The following TTC6 variants were observed in gnomAD, a reference collection of about 807,000 sequenced individuals.
The protein encoded by TTC6 is tetratricopeptide repeat domain 6.
A neutral mutation model predicts 210.4 loss-of-function variants in TTC6; 172 were observed. The ratio of observed to expected loss-of-function variants is 0.82; its 90% confidence interval spans 0.72 to 0.93. The LOEUF (loss-of-function observed/expected upper bound fraction) is 0.93. Among genes scored for constraint, TTC6 ranks in the 40% least tolerant of loss-of-function variants. The pLI, the probability that TTC6 is intolerant of heterozygous loss-of-function variation, is 0.00. For missense variants in TTC6, 2,414 were observed against 2,318.1 expected (o/e 1.04, Z -0.85); for synonymous variants, 804 against 819.6 (o/e 0.98, Z 0.32).
In TTC6 at chr14:37,757,137, G is replaced by A. The variant is rs2095970369; in HGVS notation, c.3266+3902G>A. ...TCTAGATTTTCTAGTTTGTGTGGAG[G>A]TGTTTGTAGTGTTCTCTGATGGTAG... On this transcript the variant is annotated intron_variant, in intron 14 of 30. Coordinates refer to ENST00000553443, the Ensembl canonical transcript of TTC6. Among the ~76,000 whole-genome samples the A allele has an allele frequency of 2.0e-5, 3 of 152,174 alleles. 1 individual carries two copies. The East Asian group carries it at 5.8e-4, about 29-fold the overall frequency.
chr14:37,658,794 C>A lies in TTC6; in HGVS notation c.940-21357C>A, dbSNP rs1253032280. On this transcript the variant is annotated intron_variant, in intron 1 of 30. Transcript: ENST00000553443. ...TTTAAAAATTTTTTTATTTTAGGTT[C>A]AGGGGTGCGTATGCAGGTTCATTAT... Among the ~76,000 whole-genome samples, 4 of 152,106 alleles carry A rather than the reference C, an allele frequency of 2.6e-5. No individual in the cohort carries two copies. The East Asian group carries it at 7.7e-4, about 29-fold the overall frequency.
At position 37,705,292 on chromosome 14, in the gene TTC6, A is replaced by C. The variant is rs80339906; in HGVS notation, c.1571+3766A>C. Among the ~76,000 whole-genome samples, 1,482 of 152,254 alleles carry C rather than the reference A, an allele frequency of 9.7e-3. 36 individuals carry two copies. Among genetic ancestry groups the C allele is most frequent in the African/African-American group, 0.034 (1,412 of 41,550 alleles). On this transcript the variant is annotated intron_variant, in intron 5 of 30. Coordinates refer to ENST00000553443, the Ensembl canonical transcript of TTC6. Reference sequence around the variant, plus strand: ...ACAGCAGCAACAATGGAAAAACCAAAGGTTAAGTGTCAAAATTCAATGTTT... The same window carrying C: ...ACAGCAGCAACAATGGAAAAACCAACGGTTAAGTGTCAAAATTCAATGTTT...
chr14:37,597,336 A>G (rs549624767), intron 1 of TTC6, among the ~76,000 whole-genome samples: 4 of 152,214 alleles, frequency 2.6e-5, no homozygotes, highest in African/African-American at 9.6e-5. Context: ...TGATTCTCCA[A>G]TACCCTCTTG....
chr14:37,700,489 T>C (rs1409768794), intron 4 of TTC6, among the ~76,000 whole-genome samples: 2 of 152,006 alleles, frequency 1.3e-5, no homozygotes, highest in Admixed American at 1.3e-4. Flanking sequence ...ACGCCTGTAA[T>C]CCCAGCACTT....
chr14:37,634,670 A>AAATCCAT (rs1394612309), intron 1 of TTC6, among the ~76,000 whole-genome samples: 1 of 152,218 alleles, frequency 6.6e-6, no homozygotes, highest in East Asian at 1.9e-4. Flanking sequence ...ATCCACACTA[A>AAATCCAT]AATCCATAAT....
intron 3 of TTC6, among the ~76,000 whole-genome samples, chr14:37,683,488 G>A (rs1011385595): frequency 2.6e-5 from 4 of 151,984 alleles, no homozygotes; most frequent in Admixed American, 1.3e-4. Context: ...TTTACTTTCC[G>A]AGGCTTTGGT....
At chr14:37,597,789 C>T (rs1281161716) in intron 1 of TTC6, among the ~76,000 whole-genome samples, 1 of 152,104 alleles carries the variant, frequency 6.6e-6, no homozygotes, top group Non-Finnish European at 1.5e-5. Context: ...GGGAGCACCG[C>T]CAGGCGATAC....
At chr14:37,705,486 A>G in intron 5 of TTC6, among the ~76,000 whole-genome samples, 1 of 152,186 alleles carries the variant, frequency 6.6e-6, no homozygotes, top group East Asian at 1.9e-4. Context: ...TTCCTTTTGC[A>G]AATAAATCAT....
intron 29 of TTC6, among the ~76,000 whole-genome samples, chr14:37,831,352 A>G (rs2096184636): frequency 6.6e-6 from 1 of 152,128 alleles, no homozygotes; most frequent in Non-Finnish European, 1.5e-5. Flanking sequence ...GTGATTCCAT[A>G]TCTTGGCTAT....
At chr14:37,671,029 TCA>T (rs2095757202) in intron 1 of TTC6, among the ~76,000 whole-genome samples, 1 of 152,206 alleles carries the variant, frequency 6.6e-6, no homozygotes, top group South Asian at 2.1e-4. Flanking sequence ...AACATTTAGT[TCA>T]CACAGTTTTT....
Position 37,821,004 on chromosome 14 carries a change from G to GCTCTTCTTCTTCTTCTTC in TTC6, c.4764-2724_4764-2707dup, listed in dbSNP as rs1460494887. Among the ~76,000 whole-genome samples the GCTCTTCTTCTTCTTCTTC allele has an allele frequency of 3.0e-5, 3 of 100,970 alleles. No homozygotes were observed. In the Admixed American group the frequency reaches 3.5e-4, roughly 12 times the overall value. 66.2% of individuals were successfully genotyped at this position (100,970 alleles called of 152,430 possible). ...TCTTCATCCTGTTCCTCTTCCTCTT[G>GCTCTTCTTCTTCTTCTTC]CTCTTCTTCTTCTTCTTCCTCTTCT... On this transcript the variant is annotated intron_variant, in intron 26 of 30. Coordinates refer to ENST00000553443, the Ensembl canonical transcript of TTC6.
intron 2 of TTC6, among the ~76,000 whole-genome samples, chr14:37,681,844 A>C (rs2095784450): frequency 6.6e-6 from 1 of 152,156 alleles, no homozygotes; most frequent in Non-Finnish European, 1.5e-5. Flanking sequence ...AACTAAGTAC[A>C]AAAAAAGATA....
intron 3 of TTC6, 45 bp from the exon 6 acceptor site, chr14:37,696,672 C>T (rs2095815447): frequency 8.5e-6 from 8 of 943,406 alleles, no homozygotes; most frequent in Middle Eastern, 2.2e-4. Context: ...ATCTAACTCT[C>T]ATGTTACATC....
intron 21 of TTC6, among the ~76,000 whole-genome samples, 192 bp downstream of exon 23, chr14:37,805,006 T>G (rs12100506): frequency 2.6e-5 from 4 of 152,158 alleles, no homozygotes; most frequent in African/African-American, 9.7e-5. Flanking sequence ...CATGTTTTAT[T>G]TGATGCTTGT....
At chr14:37,789,617 T>TA (rs57307221) in intron 15 of TTC6, among the ~76,000 whole-genome samples, 23,385 of 145,308 alleles carry the variant, frequency 0.16, 2,023 homozygotes, top group East Asian at 0.36. Context: ...TATATATATA[T>TA]TGTATATACT....
chr14:37,764,947 AT>A (rs76260992), intron 14 of TTC6, among the ~76,000 whole-genome samples: 27,564 of 149,380 alleles, frequency 0.18, 2,711 homozygotes, highest in East Asian at 0.34. Flanking sequence ...TTTTTAATTG[AT>A]TTTTTTCTAC....
In TTC6 at chr14:37,682,014, A is replaced by C. The variant is rs553084494; in HGVS notation, c.1051-744A>C. On this transcript the variant is annotated intron_variant, in intron 2 of 30. Transcript: ENST00000553443. ...GTGATATGGTCACTGTTCTGTGGTG[A>C]CCATAGAAGCTGTGTTCTGGTGTGA... Among the ~76,000 whole-genome samples the C allele has an allele frequency of 5.9e-5, 9 of 152,148 alleles. No homozygotes were observed. In the East Asian group the frequency reaches 1.7e-3, roughly 30 times the overall value.
intron 26 of TTC6, among the ~76,000 whole-genome samples, chr14:37,823,119 C>T (rs1421296374): frequency 6.6e-6 from 1 of 152,052 alleles, no homozygotes. Flanking sequence ...CATTTGATGC[C>T]TTTAGCAGCC....
chr14:37,716,395 G>A (rs1465882088), intron 6 of TTC6, among the ~76,000 whole-genome samples: 1 of 151,936 alleles, frequency 6.6e-6, no homozygotes, highest in Non-Finnish European at 1.5e-5. Flanking sequence ...TGACGGAGTG[G>A]TAAAATGGAT....
Sources: allele counts gnomAD v4.1 joint callset (sites outside exome capture counted in the v4.1 genomes callset), GRCh38; gene constraint gnomAD v4.1.1; transcripts MANE v1.5; gene names NCBI Gene and HGNC (gene_info 2026-07-23, HGNC 2026-07-21).